The following PPP2R5E variants were observed in gnomAD, a reference collection of about 807,000 sequenced individuals.
The protein encoded by PPP2R5E is protein phosphatase 2 regulatory subunit B'epsilon, also known as serine/threonine-protein phosphatase 2A 56 kDa regulatory subunit epsilon isoform.
PPP2R5E carries 4 observed loss-of-function variants against 65.3 expected under a neutral mutation model. The observed-to-expected ratio is 0.06, with a 90% CI of 0.03 to 0.14. The LOEUF is 0.14. Ranked by LOEUF, PPP2R5E falls within the 10% of genes least tolerant of loss-of-function variation. PPP2R5E has a pLI of 1.00. For missense variants in PPP2R5E, 274 were observed against 556.1 expected, an observed-to-expected ratio of 0.49 and a Z score of 5.10; for synonymous variants, 183 against 187.4, an observed-to-expected ratio of 0.98 and a Z score of 0.19.
Position 63,391,838 on chromosome 14 carries a change from A to G in PPP2R5E, c.933T>C (p.Pro311=), listed in dbSNP as rs374229657. 4.3e-6 allele frequency: 7 copies of G among 1,613,604 alleles called. No homozygotes were observed. The highest frequency in any genetic ancestry group is 2.2e-5 in the East Asian group (1 of 44,878). ...TTACCTCTTTTTGACTACATGTTTT[A>G]GGCCAAAATTTCATTAACCCCCTAA... ...PVIRGLMKFW[P]KTCSQKEVMF... Residue 311 remains proline, a synonymous_variant, in exon 10 of 14, where the codon CCT becomes CCC. Coordinates refer to ENST00000337537, the MANE Select transcript of PPP2R5E (RefSeq NM_006246.5).
At chr14:63,401,359 GT>G (rs1357479731) in intron 5 of PPP2R5E, among the ~76,000 whole-genome samples, 1 of 152,170 alleles carries the variant, frequency 6.6e-6, no homozygotes, top group Non-Finnish European at 1.5e-5. Flanking sequence ...AAATGCCTAA[GT>G]GGACTGTGCC....
chr14:63,403,246 G>T (rs1594834855), intron 5 of PPP2R5E, among the ~76,000 whole-genome samples: 2 of 151,988 alleles, frequency 1.3e-5, no homozygotes, highest in Admixed American at 6.6e-5. Flanking sequence ...GGGCTAACAT[G>T]GTGAAACCCT....
chr14:63,467,905 C>G (rs1296943176), intron 2 of PPP2R5E, among the ~76,000 whole-genome samples: 3 of 152,206 alleles, frequency 2.0e-5, no homozygotes, highest in African/African-American at 7.2e-5. Flanking sequence ...AGTCCAAGGT[C>G]AGCTTTGCCA....
intron 2 of PPP2R5E, among the ~76,000 whole-genome samples, chr14:63,496,265 G>A (rs1413915944): frequency 6.6e-6 from 1 of 151,804 alleles, no homozygotes; most frequent in Non-Finnish European, 1.5e-5. Flanking sequence ...CACTTTGGGA[G>A]GCCAAGGCAG....
At chr14:63,498,463 C>A (rs1186028351) in intron 2 of PPP2R5E, among the ~76,000 whole-genome samples, 3 of 151,860 alleles carry the variant, frequency 2.0e-5, no homozygotes, top group East Asian at 1.9e-4. Context: ...TGTGTATGAA[C>A]CTTTGGAATG....
intron 13 of PPP2R5E, among the ~76,000 whole-genome samples, chr14:63,378,576 G>C (rs183005454): frequency 6.6e-6 from 1 of 152,132 alleles, no homozygotes; most frequent in East Asian, 1.9e-4. Context: ...GTTATCACAC[G>C]GCTTTCATAC....
At chr14:63,497,851 A>T (rs1452306812) in intron 2 of PPP2R5E, among the ~76,000 whole-genome samples, 1 of 152,194 alleles carries the variant, frequency 6.6e-6, no homozygotes, top group Non-Finnish European at 1.5e-5. Context: ...TTAATGCAAG[A>T]TGTCATACAA....
chr14:63,409,458 C>T (rs1886275226), intron 5 of PPP2R5E, among the ~76,000 whole-genome samples: 1 of 152,080 alleles, frequency 6.6e-6, no homozygotes. Context: ...ATAATACATT[C>T]TATCAATGCG....
intron 2 of PPP2R5E, among the ~76,000 whole-genome samples, chr14:63,512,659 C>T (rs1333584322): frequency 1.3e-5 from 2 of 152,086 alleles, no homozygotes; most frequent in African/African-American, 4.8e-5. Flanking sequence ...GTATCTCCTT[C>T]TAGGCCATTT....
At chr14:63,419,656 T>G (rs1262187978) in intron 4 of PPP2R5E, among the ~76,000 whole-genome samples, 1 of 151,806 alleles carries the variant, frequency 6.6e-6, no homozygotes, top group Non-Finnish European at 1.5e-5. Context: ...GGCAACAGTG[T>G]GCCTAGTGAC....
At chr14:63,430,509 C>T (rs1019358572) in intron 3 of PPP2R5E, among the ~76,000 whole-genome samples, 24 of 151,938 alleles carry the variant, frequency 1.6e-4, no homozygotes, top group African/African-American at 5.6e-4. Context: ...ACATATATAA[C>T]GTCAAGTTAC....
intron 2 of PPP2R5E, among the ~76,000 whole-genome samples, chr14:63,533,933 C>A (rs1021008173): frequency 6.6e-6 from 1 of 152,132 alleles, no homozygotes; most frequent in African/African-American, 2.4e-5. Flanking sequence ...GGTGACAGAG[C>A]GAGACTCTGT....
At chr14:63,399,882 C>A (rs543023874) in intron 5 of PPP2R5E, among the ~76,000 whole-genome samples, 1 of 152,210 alleles carries the variant, frequency 6.6e-6, no homozygotes, top group East Asian at 1.9e-4. Flanking sequence ...AGTTTGACCT[C>A]AGGTGATTTA....
At chr14:63,473,597 C>T (rs1890241850) in intron 2 of PPP2R5E, among the ~76,000 whole-genome samples, 1 of 152,118 alleles carries the variant, frequency 6.6e-6, no homozygotes, top group Admixed American at 6.5e-5. Context: ...CCTCTAAATG[C>T]TAATGAAACA....
intron 2 of PPP2R5E, among the ~76,000 whole-genome samples, chr14:63,498,946 C>T (rs929977800): frequency 2.6e-5 from 4 of 152,014 alleles, no homozygotes; most frequent in Admixed American, 6.6e-5. Flanking sequence ...TATTAGGAAT[C>T]GTAAGTGAAA....
intron 3 of PPP2R5E, among the ~76,000 whole-genome samples, chr14:63,426,921 A>T (rs1247503468): frequency 6.6e-6 from 1 of 152,176 alleles, no homozygotes; most frequent in African/African-American, 2.4e-5. Flanking sequence ...TATCTGCAAC[A>T]GTTTGTATGT....
At chr14:63,523,248 C>T (rs1186106127) in intron 2 of PPP2R5E, among the ~76,000 whole-genome samples, 2 of 152,058 alleles carry the variant, frequency 1.3e-5, no homozygotes, top group South Asian at 2.1e-4. Flanking sequence ...ATGACAATGG[C>T]GGTTTTGTGG....
intron 3 of PPP2R5E, 28 bp from the exon 4 acceptor site, chr14:63,422,122 C>T (rs1293006399): frequency 2.6e-6 from 4 of 1,560,938 alleles, no homozygotes; most frequent in East Asian, 2.2e-5. Context: ...GCAGAGTTAA[C>T]GGGAAGCACC....
chr14:63,459,884 T>A (rs1386785486), intron 2 of PPP2R5E, among the ~76,000 whole-genome samples: 2 of 152,196 alleles, frequency 1.3e-5, no homozygotes, highest in Non-Finnish European at 2.9e-5. Context: ...CTAAGGAAGG[T>A]CCCTGGAAAC....
Sources: allele counts gnomAD v4.1 joint callset (sites outside exome capture counted in the v4.1 genomes callset), GRCh38; gene constraint gnomAD v4.1.1; transcripts MANE v1.5; gene names NCBI Gene and HGNC (gene_info 2026-07-23, HGNC 2026-07-21).